Variants in RUSC2 observed in about 807,000 individuals in gnomAD.
RUSC2 encodes the protein AP-4 complex accessory subunit RUSC2.
A neutral mutation model predicts 122.2 loss-of-function variants in RUSC2; 34 were observed. The ratio of observed to expected loss-of-function variants is 0.28; its 90% CI spans 0.21 to 0.37. The LOEUF is 0.37. Among genes scored for constraint, RUSC2 ranks in the 10% least tolerant of loss-of-function variants. The pLI, the probability that RUSC2 is intolerant of heterozygous loss-of-function variation, is 1.00. For synonymous variants in RUSC2, 784 were observed against 790.0 expected, an observed-to-expected ratio of 0.99 and a Z score of 0.13; for missense variants, 1,747 against 1,952.4, an observed-to-expected ratio of 0.89 and a Z score of 1.98.
intron 2 of RUSC2, among the ~76,000 whole-genome samples, chr9:35,550,863 G>T (rs1286604972): frequency 6.6e-6 from 1 of 151,786 alleles, no homozygotes; most frequent in African/African-American, 2.4e-5. Flanking sequence ...GTCACCTGAG[G>T]TCAGGAGTTC....
chr9:35,524,396 T>A (rs1289384987), intron 1 of RUSC2, among the ~76,000 whole-genome samples: 1 of 152,202 alleles, frequency 6.6e-6, no homozygotes, highest in Non-Finnish European at 1.5e-5. Flanking sequence ...AATGATTGGA[T>A]GAAAGTTTGA....
At chr9:35,554,949 C>A in intron 2 of RUSC2, 111 bp from the exon 3 acceptor site, 1 of 1,283,956 alleles carries the variant, frequency 7.8e-7, no homozygotes, top group Non-Finnish European at 1.1e-6. Flanking sequence ...CATTCAATTC[C>A]TGCCAGCCAG....
chr9:35,554,296 C>G (rs951245191), intron 2 of RUSC2, among the ~76,000 whole-genome samples: 2 of 152,222 alleles, frequency 1.3e-5, no homozygotes, highest in African/African-American at 4.8e-5. Flanking sequence ...GAGGCCCAGC[C>G]TTGGGGAACA....
intron 1 of RUSC2, among the ~76,000 whole-genome samples, chr9:35,537,019 G>A (rs1054279206): frequency 1.3e-5 from 2 of 152,030 alleles, no homozygotes; most frequent in Non-Finnish European, 2.9e-5. Context: ...AGGTGGCCGA[G>A]GTTTATAATG....
chr9:35,512,359 T>C (rs1821025938), intron 1 of RUSC2, among the ~76,000 whole-genome samples: 1 of 152,248 alleles, frequency 6.6e-6, no homozygotes, highest in Non-Finnish European at 1.5e-5. Flanking sequence ...AATTTGAATC[T>C]TTTAAAACAA....
intron 1 of RUSC2, among the ~76,000 whole-genome samples, chr9:35,536,031 G>A (rs925267790): frequency 1.8e-4 from 27 of 152,178 alleles, no homozygotes; most frequent in African/African-American, 6.5e-4. Flanking sequence ...AGATGTTAAG[G>A]CAGATATGCA....
chr9:35,555,044 C>T lies in RUSC2; in HGVS notation c.2015-16C>T, dbSNP rs1156998832. ...AGTGTCTGTCTACTGATTTCTTCTC[C>T]ATCCCTTTGCTACAGGGGGTGGCAC... On this transcript the variant is annotated splice_polypyrimidine_tract_variant and intron_variant, in intron 2 of 11. Coordinates refer to ENST00000361226, the MANE Select transcript of RUSC2 (RefSeq NM_014806.5). The surrounding 1 kb of genome is among the most constrained non-coding windows in gnomAD (Gnocchi z 4.6). 2.5e-6 allele frequency: 4 copies of T among 1,608,892 alleles called. No homozygotes were observed. In the East Asian group the frequency reaches 8.9e-5, roughly 36 times the overall value.
Position 35,555,994 on chromosome 9 carries a change from G to A in RUSC2, c.2699G>A (p.Arg900Lys). The A allele has an allele frequency of 6.2e-7, 1 of 1,614,188 alleles. No individual in the cohort carries two copies. The highest frequency in any genetic ancestry group is 8.5e-7 in the Non-Finnish European group (1 of 1,180,022). The change falls in exon 4 of 12, where the codon AGG (arginine) becomes AAG (lysine). Residue 900 changes from arginine to lysine, a missense_variant. Coordinates refer to ENST00000361226, the MANE Select transcript of RUSC2 (RefSeq NM_014806.5). This position sits in a 1 kb window ranked among gnomAD's most constrained non-coding sequence, Gnocchi z 4.6. Reference sequence around the variant, plus strand: ...CAAGCCCTCAAGTGGCGGGAATACAGGAGGAAGAACCCACTAGGGCCACCT... The same window carrying A: ...CAAGCCCTCAAGTGGCGGGAATACAAGAGGAAGAACCCACTAGGGCCACCT... ...SPQALKWREY[R>K]RKNPLGPPGL...
At chr9:35,532,918 G>A (rs910072154) in intron 1 of RUSC2, among the ~76,000 whole-genome samples, 1 of 151,908 alleles carries the variant, frequency 6.6e-6, no homozygotes, top group African/African-American at 2.4e-5. Context: ...GGAGAGAGTG[G>A]AGAGAGAATT....
chr9:35,554,997 G>A, intron 2 of RUSC2, 63 bp from the exon 3 acceptor site: 2 of 1,586,224 alleles, frequency 1.3e-6, no homozygotes, highest in Non-Finnish European at 1.7e-6. Flanking sequence ...TCTGCTTCTG[G>A]GTTTTCTCTC....
chr9:35,513,903 C>T (rs1160493863), intron 1 of RUSC2, among the ~76,000 whole-genome samples: 4 of 104,222 alleles, frequency 3.8e-5, no homozygotes, highest in Non-Finnish European at 7.6e-5. Flanking sequence ...CTTCAACAAA[C>T]ATATATATAT....
Position 35,561,331 on chromosome 9 carries a change from C to T in RUSC2, c.4500C>T (p.Tyr1500=), listed in dbSNP as rs199511970. ...GPDSGLVPLA[Y]VTLTPTPSPT... is the part of the protein sequence containing the mutation. ...ACTCTGGCCTGGTGCCCCTGGCCTA[C>T]GTGACATTGACCCCAACTCCAAGTC... is the stretch of plus-strand genomic sequence containing the variant. Residue 1500 remains tyrosine (Y), a synonymous_variant, in exon 12 of 12, where the codon TAC becomes TAT. Coordinates refer to ENST00000361226, the MANE Select transcript of RUSC2 (RefSeq NM_014806.5). 44 of 1,613,976 alleles carry T rather than the reference C, an allele frequency of 2.7e-5. No individual in the cohort carries two copies. Among genetic ancestry groups the T allele is most frequent in the Middle Eastern group, 1.6e-4 (1 of 6,082 alleles).
chr9:35,547,425 G>A lies in RUSC2; in HGVS notation c.904G>A (p.Ala302Thr). 6.2e-7 allele frequency: 1 copy of A among 1,614,144 alleles called. No individual in the cohort carries two copies. Among genetic ancestry groups the A allele is most frequent in the South Asian group, 1.1e-5 (1 of 91,078 alleles). ...CACCCCCCGTGCCAATCTCAACTCT[G>A]CCCCACAGTCCTGCAGCGACTCTTC... ...HGTPRANLNS[A>T]PQSCSDSSFC... The change falls in exon 2 of 12, where the codon GCC (alanine) becomes ACC (threonine). Residue 302 changes from alanine to threonine, a missense_variant. Transcript: ENST00000361226. The surrounding 1 kb of genome is among the most constrained non-coding windows in gnomAD (Gnocchi z 4.6).
intron 1 of RUSC2, among the ~76,000 whole-genome samples, chr9:35,502,862 TTG>T (rs1269539527): frequency 6.6e-6 from 1 of 152,128 alleles, no homozygotes; most frequent in East Asian, 1.9e-4. Flanking sequence ...TTTTTGTTTT[TTG>T]TTTTTGTTTT....
In RUSC2 at chr9:35,548,872, T is replaced by C; in HGVS notation, c.2014+337T>C. 1.8e-6 allele frequency: 1 copy of C among 569,352 alleles called. No homozygotes were observed. 35.3% of individuals were successfully genotyped at this position (569,352 alleles called of 1,614,324 possible). A position where few individuals can be genotyped will look rare whatever the true frequency, so the allele number is the denominator to read the frequency against. Reference sequence around the variant, plus strand: ...TAATGAAACCCCAGCTCTACTAAAATAAAAAATAAACTAGCCAGGAGTGGT... The same window carrying C: ...TAATGAAACCCCAGCTCTACTAAAACAAAAAATAAACTAGCCAGGAGTGGT... On this transcript the variant is annotated intron_variant, in intron 2 of 11. Coordinates refer to ENST00000361226, the MANE Select transcript of RUSC2 (RefSeq NM_014806.5). This position sits in a 1 kb window ranked among gnomAD's most constrained non-coding sequence, Gnocchi z 4.5.
intron 1 of RUSC2, among the ~76,000 whole-genome samples, chr9:35,499,398 T>A (rs772844340): frequency 6.6e-6 from 1 of 152,214 alleles, no homozygotes; most frequent in Admixed American, 6.5e-5. Flanking sequence ...AAAAAATTAA[T>A]TTTGATACTT....
At chr9:35,523,527 A>C (rs1446334129) in intron 1 of RUSC2, among the ~76,000 whole-genome samples, 1 of 152,186 alleles carries the variant, frequency 6.6e-6, no homozygotes, top group Non-Finnish European at 1.5e-5. Context: ...AAAAAAAGCC[A>C]AATAGTGGCT....
At chr9:35,503,021 CAACT>C (rs1324664903) in intron 1 of RUSC2, among the ~76,000 whole-genome samples, 3 of 152,102 alleles carry the variant, frequency 2.0e-5, no homozygotes, top group Non-Finnish European at 2.9e-5. Flanking sequence ...ACACCATGGC[CAACT>C]AATGTTTTGT....
Position 35,555,659 on chromosome 9 carries a change from C to T in RUSC2, c.2614C>T (p.Arg872Trp), listed in dbSNP as rs201335495. The T allele has an allele frequency of 5.0e-5, 80 of 1,605,774 alleles. No homozygotes were observed. The highest frequency in any genetic ancestry group is 6.1e-5 in the Non-Finnish European group (72 of 1,179,604). ...CCTCAGCCGAGCAGAGAGCCTGGCC[C>T]GGGGAGGTGGTGAGGGCAGCATGGC... Reference protein sequence around the residue: ...SGLSRAESLARGGGEGSMATR... With the variant: ...SGLSRAESLAWGGGEGSMATR... The change falls in exon 3 of 12, where the codon CGG (arginine) becomes TGG (tryptophan). Residue 872 changes from arginine (R) to tryptophan (W), a missense_variant. Coordinates refer to ENST00000361226, the MANE Select transcript of RUSC2 (RefSeq NM_014806.5). This position sits in a 1 kb window ranked among gnomAD's most constrained non-coding sequence, Gnocchi z 4.6.
Sources: gnomAD v4.1 joint callset for allele counts (sites outside exome capture counted in the v4.1 genomes callset) on GRCh38, gnomAD v4.1.1 for gene constraint, Gnocchi (gnomAD v3.1) non-coding constraint, MANE v1.5 for transcripts, NCBI Gene and HGNC (gene_info 2026-07-23, HGNC 2026-07-21) for gene names.